Variants in FHIT observed in about 807,000 individuals in gnomAD.
The protein encoded by FHIT is bis(5'-adenosyl)-triphosphatase.
In FHIT, 19 loss-of-function variants were observed where a neutral mutation model predicts 17.9. The ratio of observed to expected loss-of-function variants is 1.06; its 90% confidence interval spans 0.74 to 1.56. The LOEUF (loss-of-function observed/expected upper bound fraction) is 1.56, where lower values mean the gene tolerates loss of function less well. Ranked by LOEUF, FHIT falls within the 40% of genes most tolerant of loss-of-function variation. The pLI is 0.00. For missense variants in FHIT, 248 were observed against 189.2 expected, an observed-to-expected ratio of 1.31 and a Z score of -1.82; for synonymous variants, 81 against 69.7, an observed-to-expected ratio of 1.16 and a Z score of -0.81.
chr3:60,569,748 T>TAA, intron 4 of FHIT, among the ~76,000 whole-genome samples: 1 of 72,758 alleles, frequency 1.4e-5, no homozygotes, highest in South Asian at 4.4e-4. Context: ...TATATATATA[T>TAA]ATATATATTT....
intron 4 of FHIT, among the ~76,000 whole-genome samples, chr3:60,713,345 C>A (rs1296217766): frequency 2.7e-5 from 4 of 150,928 alleles, no homozygotes; most frequent in African/African-American, 9.7e-5. Context: ...AAAATTGACA[C>A]CCTAACATCA....
At chr3:60,564,843 C>A (rs1394820895) in intron 4 of FHIT, among the ~76,000 whole-genome samples, 1 of 152,122 alleles carries the variant, frequency 6.6e-6, no homozygotes, top group Non-Finnish European at 1.5e-5. Context: ...GACCATTATA[C>A]CAACTTGGTT....
intron 8 of FHIT, among the ~76,000 whole-genome samples, chr3:59,860,147 T>G (rs1702344974): frequency 1.3e-5 from 2 of 152,154 alleles, no homozygotes; most frequent in South Asian, 4.1e-4. Flanking sequence ...ATACTAAAAG[T>G]GCTGAGCTCT....
chr3:60,410,829 G>A (rs1702033185), intron 5 of FHIT, among the ~76,000 whole-genome samples: 1 of 152,088 alleles, frequency 6.6e-6, no homozygotes. Context: ...TTCTCATATT[G>A]CTTATTTAAT....
chr3:61,246,425 T>C (rs1436729764), intron 1 of FHIT, among the ~76,000 whole-genome samples: 6 of 152,098 alleles, frequency 3.9e-5, no homozygotes, highest in Non-Finnish European at 5.9e-5. Context: ...AATAATACAA[T>C]ACATAGCTAT....
At chr3:61,105,058 C>T (rs1454536762) in intron 2 of FHIT, among the ~76,000 whole-genome samples, 1 of 152,088 alleles carries the variant, frequency 6.6e-6, no homozygotes, top group Non-Finnish European at 1.5e-5. Context: ...ATTTTGAACT[C>T]TGTTTCTGTT....
At chr3:61,143,446 A>G (rs921210506) in intron 2 of FHIT, among the ~76,000 whole-genome samples, 1 of 152,172 alleles carries the variant, frequency 6.6e-6, no homozygotes, top group African/African-American at 2.4e-5. Flanking sequence ...CTATTGGAAA[A>G]CCACTGGTCA....
intron 5 of FHIT, among the ~76,000 whole-genome samples, chr3:60,307,867 C>T (rs934963809): frequency 7.5e-6 from 1 of 132,976 alleles, no homozygotes; most frequent in Admixed American, 7.7e-5. Flanking sequence ...TGCTCTGAGA[C>T]ACATGTGGTT....
At chr3:60,386,352 G>A (rs1030792687) in intron 5 of FHIT, among the ~76,000 whole-genome samples, 6 of 152,134 alleles carry the variant, frequency 3.9e-5, no homozygotes, top group African/African-American at 1.4e-4. Context: ...ACATTTGAGG[G>A]ATTCAAGGAC....
chr3:60,565,053 G>C (rs1028602034), intron 4 of FHIT, among the ~76,000 whole-genome samples: 2 of 152,056 alleles, frequency 1.3e-5, no homozygotes, highest in African/African-American at 2.4e-5. Context: ...ACCATGATCA[G>C]TCAGCAGCCA....
At chr3:61,025,987 T>C (rs1212080248) in intron 3 of FHIT, among the ~76,000 whole-genome samples, 1 of 152,208 alleles carries the variant, frequency 6.6e-6, no homozygotes, top group African/African-American at 2.4e-5. Context: ...ATATGTTATA[T>C]GCACAAAAAT....
chr3:60,565,661 G>A (rs1024521744), intron 4 of FHIT, among the ~76,000 whole-genome samples: 1 of 152,150 alleles, frequency 6.6e-6, no homozygotes, highest in Non-Finnish European at 1.5e-5. Flanking sequence ...AAAAGTTTGT[G>A]ATTGGCAATA....
chr3:60,036,354 C>T (rs1214231845), intron 5 of FHIT, among the ~76,000 whole-genome samples: 1 of 152,028 alleles, frequency 6.6e-6, no homozygotes, highest in African/African-American at 2.4e-5. Context: ...GTTATTTTAC[C>T]TCATAAGACT....
At chr3:60,234,837 T>C (rs1704685256) in intron 5 of FHIT, among the ~76,000 whole-genome samples, 1 of 152,200 alleles carries the variant, frequency 6.6e-6, no homozygotes, top group Non-Finnish European at 1.5e-5. Context: ...ACAGAAGTAT[T>C]AGTGATAGGA....
intron 8 of FHIT, among the ~76,000 whole-genome samples, chr3:59,884,282 G>T (rs1391343709): frequency 1.3e-5 from 2 of 152,138 alleles, no homozygotes; most frequent in African/African-American, 4.8e-5. Context: ...ATTGTGTGGT[G>T]CACATTTTAT....
At chr3:60,471,637 G>C (rs932294108) in intron 5 of FHIT, among the ~76,000 whole-genome samples, 3 of 152,140 alleles carry the variant, frequency 2.0e-5, no homozygotes, top group African/African-American at 7.2e-5. Context: ...ACCCTCTTCA[G>C]TGCCTCTTTC....
At chr3:61,119,503 C>T (rs1051298292) in intron 2 of FHIT, among the ~76,000 whole-genome samples, 4 of 152,136 alleles carry the variant, frequency 2.6e-5, no homozygotes, top group African/African-American at 7.2e-5. Flanking sequence ...CACAAGCCAC[C>T]GTGCCCAGCC....
At chr3:60,267,154 T>C (rs1453906095) in intron 5 of FHIT, among the ~76,000 whole-genome samples, 1 of 151,936 alleles carries the variant, frequency 6.6e-6, no homozygotes, top group Non-Finnish European at 1.5e-5. Flanking sequence ...TAGAAAGAGC[T>C]TGAAATGTAA....
intron 7 of FHIT, among the ~76,000 whole-genome samples, chr3:59,941,423 T>G (rs1342455839): frequency 6.8e-6 from 1 of 146,130 alleles, no homozygotes; most frequent in Non-Finnish European, 1.5e-5. Context: ...CATTATGATC[T>G]CTCTCTCTTT....
Sources: allele counts gnomAD v4.1 joint callset (sites outside exome capture counted in the v4.1 genomes callset), GRCh38; gene constraint gnomAD v4.1.1; transcripts MANE v1.5; gene names NCBI Gene and HGNC (gene_info 2026-07-23, HGNC 2026-07-21).